The following PTBP3 variants were observed in gnomAD, a reference collection of about 807,000 sequenced individuals.
The protein encoded by PTBP3 is polypyrimidine tract binding protein 3, also known as polypyrimidine tract-binding protein 3.
In PTBP3, 20 loss-of-function variants were observed where a neutral mutation model predicts 58.7. That is an observed-to-expected ratio of 0.34 (90% confidence interval 0.24 to 0.50). The LOEUF (loss-of-function observed/expected upper bound fraction) is 0.50, where lower values mean the gene tolerates loss of function less well. Among genes scored for constraint, PTBP3 ranks in the 20% least tolerant of loss-of-function variants. The pLI is 0.98. For synonymous variants in PTBP3, 185 were observed against 219.8 expected (o/e 0.84, Z 1.40); for missense variants, 509 against 637.2 (o/e 0.80, Z 2.17).
intron 7 of PTBP3, 61 bp from the exon 8 acceptor site, chr9:112,234,958 A>G (rs1011542109): frequency 7.2e-7 from 1 of 1,391,438 alleles, no homozygotes; most frequent in African/African-American, 1.4e-5. Flanking sequence ...TTATCAAAGC[A>G]ATATAAAATG....
Position 112,221,539 on chromosome 9 carries a change from G to A in PTBP3, c.*2312C>T. ...CACTGAAAATTATAATAGTGCCTGTGTGGAAGGGAAAAAAAAGCAAGTTTT... is the reference window on the plus strand; with the variant it reads ...CACTGAAAATTATAATAGTGCCTGTATGGAAGGGAAAAAAAAGCAAGTTTT... On this transcript the variant is annotated 3_prime_UTR_variant, in exon 14 of 14. Transcript: ENST00000374257. 4.1e-6 allele frequency: 4 copies of A among 985,662 alleles called. No homozygotes were observed. Among genetic ancestry groups the A allele is most frequent in the Non-Finnish European group, 4.8e-6 (4 of 829,896 alleles). The allele number at this position is 985,662 out of a possible 1,614,324, so 61.1% of individuals were successfully genotyped here. A position where few individuals can be genotyped will look rare whatever the true frequency, so the allele number is the denominator to read the frequency against.
the PTBP3 span, among the ~76,000 whole-genome samples, chr9:112,364,409 A>C: frequency 1.3e-5 from 2 of 152,164 alleles, no homozygotes; most frequent in Non-Finnish European, 2.9e-5. Context: ...CTGTAATCCC[A>C]GCACTTTGGG....
At chr9:112,301,942 C>A (rs917939102) in intron 1 of PTBP3, among the ~76,000 whole-genome samples, 4 of 152,068 alleles carry the variant, frequency 2.6e-5, no homozygotes, top group East Asian at 1.9e-4. Flanking sequence ...TCATTCTCAG[C>A]CAAAGGATTC....
At chr9:112,370,999 G>T in the PTBP3 span, among the ~76,000 whole-genome samples, 1 of 151,860 alleles carries the variant, frequency 6.6e-6, no homozygotes, top group South Asian at 2.1e-4. Flanking sequence ...TCATTTATTA[G>T]CTCTAGTAGT....
Position 112,231,430 on chromosome 9 carries a change from A to C in PTBP3, c.1021-17T>G. The C allele has an allele frequency of 6.4e-7, 1 of 1,571,754 alleles. No individual in the cohort carries two copies. The highest frequency in any genetic ancestry group is 8.6e-7 in the Non-Finnish European group (1 of 1,156,330). Reference sequence around the variant, plus strand: ...TGTGATAAGCTGTAAAGGGTAACACAAAGTTAAGTGTCTGACAATTTAAGT... The same window carrying C: ...TGTGATAAGCTGTAAAGGGTAACACCAAGTTAAGTGTCTGACAATTTAAGT... On this transcript the variant is annotated splice_polypyrimidine_tract_variant and intron_variant, in intron 9 of 13. Coordinates refer to ENST00000374257, the MANE Select transcript of PTBP3 (RefSeq NM_001163788.4).
At chr9:112,326,789 G>A (rs1211300028) in intron 1 of PTBP3, among the ~76,000 whole-genome samples, 6 of 152,134 alleles carry the variant, frequency 3.9e-5, no homozygotes, top group Admixed American at 3.9e-4. Flanking sequence ...AGTATAAGCT[G>A]TACACACACA....
chr9:112,346,271 G>A, the PTBP3 span, among the ~76,000 whole-genome samples: 2 of 151,614 alleles, frequency 1.3e-5, no homozygotes, highest in African/African-American at 4.9e-5. Flanking sequence ...GGGTTCAAGC[G>A]ATTCTCCTGC....
intron 2 of PTBP3, among the ~76,000 whole-genome samples, chr9:112,286,741 C>T (rs1279149690): frequency 6.6e-6 from 1 of 152,162 alleles, no homozygotes; most frequent in Admixed American, 6.5e-5. Context: ...CTGTATAAAA[C>T]TCAAGTTTCT....
chr9:112,263,403 G>T lies in PTBP3; in HGVS notation c.352-804C>A, dbSNP rs544692767. Among the ~76,000 whole-genome samples the T allele has an allele frequency of 1.2e-4, 18 of 152,230 alleles. No homozygotes were observed. The South Asian group carries it at 3.7e-3, about 32-fold the overall frequency. On this transcript the variant is annotated intron_variant, in intron 4 of 13. Coordinates refer to ENST00000374257, the MANE Select transcript of PTBP3 (RefSeq NM_001163788.4). ...GGCTGGCAAACACCACCCTAATCAA[G>T]TGATCAAAGAGCCCATCATTACTAA...
intron 2 of PTBP3, among the ~76,000 whole-genome samples, chr9:112,289,610 G>A (rs1400190421): frequency 6.6e-6 from 1 of 152,096 alleles, no homozygotes; most frequent in African/African-American, 2.4e-5. Flanking sequence ...GGGAGACCCA[G>A]ACTCTACAAA....
At chr9:112,305,939 C>A (rs2132355080) in intron 1 of PTBP3, among the ~76,000 whole-genome samples, 1 of 151,506 alleles carries the variant, frequency 6.6e-6, no homozygotes, top group Non-Finnish European at 1.5e-5. Flanking sequence ...GACTCTGTCT[C>A]AAAAAATAAA....
chr9:112,302,048 A>G (rs1828957306), intron 1 of PTBP3, among the ~76,000 whole-genome samples: 1 of 152,132 alleles, frequency 6.6e-6, no homozygotes, highest in Non-Finnish European at 1.5e-5. Flanking sequence ...CATCCTCAAC[A>G]CTGTGCTTCT....
Position 112,262,460 on chromosome 9 carries a change from G to C in PTBP3, c.491C>G (p.Pro164Arg), listed in dbSNP as rs777566726. Residue 164 changes from proline to arginine, a missense_variant, in exon 5 of 14, where the codon CCT (proline) becomes CGT (arginine). Transcript: ENST00000374257. ...CTGATGAAGAACTTCCAGGGTAACA[G>C]GGTAAAAGAGGTTTTCAATAATTAT... is the stretch of plus-strand genomic sequence containing the variant. ...LRIIIENLFY[P>R]VTLEVLHQIF... 1 of 1,608,828 alleles carries C rather than the reference G, an allele frequency of 6.2e-7. No individual in the cohort carries two copies. Among genetic ancestry groups the C allele is most frequent in the East Asian group, 2.2e-5 (1 of 44,512 alleles).
Position 112,290,938 on chromosome 9 carries a change from G to A in PTBP3, c.34+6894C>T, listed in dbSNP as rs934684269. Among the ~76,000 whole-genome samples the A allele has an allele frequency of 2.8e-4, 43 of 151,772 alleles. 1 individual carries two copies. The highest frequency in any genetic ancestry group is 9.9e-4 in the African/African-American group (41 of 41,344). The stretch of plus-strand genomic sequence containing the variant: ...AGATTTGTCAAGAATATCCATAAAT[G>A]TGGCCGGGCACAGTGGCTCACACCT... On this transcript the variant is annotated intron_variant, in intron 2 of 13. Transcript: ENST00000374257.
chr9:112,304,787 T>C (rs2132348528), intron 1 of PTBP3, among the ~76,000 whole-genome samples: 1 of 152,308 alleles, frequency 6.6e-6, no homozygotes, highest in South Asian at 2.1e-4. Flanking sequence ...ACTCTACTGA[T>C]TGATCGCTTA....
chr9:112,274,242 T>C (rs945030873), intron 3 of PTBP3, among the ~76,000 whole-genome samples: 1 of 152,230 alleles, frequency 6.6e-6, no homozygotes, highest in African/African-American at 2.4e-5. Flanking sequence ...TTACTAAATA[T>C]AGGGAACTCA....
At chr9:112,351,588 A>G in the PTBP3 span, among the ~76,000 whole-genome samples, 3 of 152,222 alleles carry the variant, frequency 2.0e-5, no homozygotes, top group Non-Finnish European at 4.4e-5. Flanking sequence ...TTGAGTAAGC[A>G]GTGTTTACAT....
At chr9:112,231,340 A>G in intron 10 of PTBP3, 40 bp downstream of exon 10, 5 of 1,500,908 alleles carry the variant, frequency 3.3e-6, no homozygotes, top group Non-Finnish European at 3.6e-6. Flanking sequence ...TGCTCAATTC[A>G]CACCTGTAGA....
At chr9:112,379,862 GATT>G in the PTBP3 span, 3 of 532,290 alleles carry the variant, frequency 5.6e-6, no homozygotes, top group South Asian at 2.3e-5. Flanking sequence ...ACAGGAGCCT[GATT>G]GTCACCGTAC....
Sources: allele counts gnomAD v4.1 joint callset (sites outside exome capture counted in the v4.1 genomes callset), GRCh38; gene constraint gnomAD v4.1.1; transcripts MANE v1.5; gene names NCBI Gene and HGNC (gene_info 2026-07-23, HGNC 2026-07-21).